RARB: variants seen among roughly 807,000 people sequenced by gnomAD.
The protein encoded by RARB is retinoic acid receptor beta.
RARB carries 17 observed loss-of-function variants against 51.9 expected under a neutral mutation model. The observed-to-expected ratio is 0.33, with a 90% CI of 0.22 to 0.49. The LOEUF (loss-of-function observed/expected upper bound fraction) is 0.49, where lower values mean the gene tolerates loss of function less well. Among genes scored for constraint, RARB ranks in the 20% least tolerant of loss-of-function variants. RARB has a pLI of 0.99. For synonymous variants in RARB, 215 were observed against 195.4 expected (o/e 1.10, Z -0.84); for missense variants, 369 against 550.8 (o/e 0.67, Z 3.30).
chr3:25,283,681 C>T (rs981249717), intron 5 of RARB, among the ~76,000 whole-genome samples: 4 of 152,170 alleles, frequency 2.6e-5, no homozygotes, highest in East Asian at 1.9e-4. Context: ...CAGATCAATA[C>T]GGTCATCTGC....
intron 5 of RARB, among the ~76,000 whole-genome samples, chr3:25,360,242 T>C (rs140593246): frequency 0.049 from 7,496 of 152,286 alleles, 537 homozygotes; most frequent in African/African-American, 0.15. Flanking sequence ...GCCTTCTTTG[T>C]CTCTTTTGAT....
chr3:25,453,763 C>T (rs532647394), intron 1 of RARB, among the ~76,000 whole-genome samples: 28 of 152,226 alleles, frequency 1.8e-4, no homozygotes, highest in Admixed American at 5.9e-4. Flanking sequence ...CTGGTGACCC[C>T]GGCAAACACA....
chr3:25,089,461 A>T (rs1452531213), intron 3 of RARB, among the ~76,000 whole-genome samples: 4 of 145,544 alleles, frequency 2.7e-5, no homozygotes, highest in African/African-American at 1.0e-4. Flanking sequence ...GAGAGTTGAA[A>T]GCATTGATCA....
At position 24,932,040 on chromosome 3, in the gene RARB, C is replaced by T. The variant is rs554218246; in HGVS notation, c.-380+73288C>T. On this transcript the variant is annotated intron_variant, in intron 2 of 11. Transcript: ENST00000383772. ...GAATGCCAAGTTCCATCTTTGGATA[C>T]CTTTGATTTCCATGACAAATAGAAA... Among the ~76,000 whole-genome samples, 11 of 152,094 alleles carry T rather than the reference C, an allele frequency of 7.2e-5. 1 individual carries two copies. The South Asian group carries it at 1.7e-3, about 23-fold the overall frequency.
At chr3:25,319,445 A>G (rs1704508963) in intron 5 of RARB, among the ~76,000 whole-genome samples, 2 of 152,318 alleles carry the variant, frequency 1.3e-5, no homozygotes, top group East Asian at 1.9e-4. Flanking sequence ...TGACAGCTGC[A>G]TTATGGGTAA....
intron 5 of RARB, among the ~76,000 whole-genome samples, chr3:25,253,301 C>A (rs1702776226): frequency 6.6e-6 from 1 of 152,092 alleles, no homozygotes. Context: ...CGTATTTTGC[C>A]TATCTTAAAA....
chr3:25,423,128 G>A (rs1285001691), intron 5 of RARB, among the ~76,000 whole-genome samples: 1 of 152,198 alleles, frequency 6.6e-6, no homozygotes, highest in Non-Finnish European at 1.5e-5. Context: ...AGAACAAAAA[G>A]GTAACATATA....
chr3:25,090,476 T>C (rs1043618858), intron 3 of RARB, among the ~76,000 whole-genome samples: 2 of 152,154 alleles, frequency 1.3e-5, no homozygotes, highest in Non-Finnish European at 2.9e-5. Flanking sequence ...GTCACTTTTG[T>C]CACCATCTCC....
rs182488310 is a variant in RARB, at chr3:25,185,847, G to A, written c.178+11272G>A. ...ATCAAAGAATTCGTATGCCACTATT[G>A]ATGATAATATTTGGTGACTACATTA... On this transcript the variant is annotated intron_variant, in intron 5 of 11. Coordinates refer to the RARB transcript ENST00000383772. 3.9e-5 allele frequency among the ~76,000 whole-genome samples: 6 copies of A among 152,178 alleles called. No individual in the cohort carries two copies. In the East Asian group the frequency reaches 1.2e-3, roughly 29 times the overall value.
At chr3:25,450,043 G>A (rs182915388) in intron 1 of RARB, among the ~76,000 whole-genome samples, 24 of 152,240 alleles carry the variant, frequency 1.6e-4, no homozygotes, top group Admixed American at 1.4e-3. Flanking sequence ...AAGCCACTGC[G>A]CCTGGCCAAG....
intron 2 of RARB, among the ~76,000 whole-genome samples, chr3:24,961,903 T>C (rs959500266): frequency 2.0e-5 from 3 of 150,556 alleles, no homozygotes; most frequent in African/African-American, 7.3e-5. Flanking sequence ...CAAACCTTAG[T>C]GTTCCCTTTG....
intron 7 of RARB, 71 bp from the exon 8 acceptor site, chr3:25,596,349 A>G (rs1384594892): frequency 1.7e-6 from 2 of 1,205,380 alleles, no homozygotes; most frequent in African/African-American, 3.0e-5. Flanking sequence ...ATATATGAAA[A>G]TTGGTCCCTG....
chr3:24,903,861 A>G (rs1350541215), intron 2 of RARB, among the ~76,000 whole-genome samples: 2 of 152,224 alleles, frequency 1.3e-5, no homozygotes, highest in Non-Finnish European at 2.9e-5. Context: ...CTTCATTGCT[A>G]TAACATAGAA....
chr3:25,220,061 C>A (rs981205691), intron 5 of RARB, among the ~76,000 whole-genome samples: 1 of 152,124 alleles, frequency 6.6e-6, no homozygotes, highest in Non-Finnish European at 1.5e-5. Context: ...ATCTATATCA[C>A]CTTACATAAA....
chr3:24,855,120 T>C (rs1702615290), intron 1 of RARB, among the ~76,000 whole-genome samples: 2 of 152,210 alleles, frequency 1.3e-5, no homozygotes, highest in Non-Finnish European at 2.9e-5. Flanking sequence ...AATTTCACAT[T>C]TCAGAAGGAC....
intron 2 of RARB, among the ~76,000 whole-genome samples, chr3:24,975,916 C>T (rs1046959173): frequency 6.6e-6 from 1 of 152,148 alleles, no homozygotes; most frequent in Non-Finnish European, 1.5e-5. Context: ...CTATCCCTGC[C>T]CTAGCCCTCC....
intron 5 of RARB, among the ~76,000 whole-genome samples, chr3:25,191,507 T>C (rs978891078): frequency 6.6e-6 from 1 of 152,092 alleles, no homozygotes; most frequent in Non-Finnish European, 1.5e-5. Context: ...AGTAACTTTG[T>C]TAAATGAAGG....
chr3:25,442,226 C>G (rs531503650), intron 1 of RARB, among the ~76,000 whole-genome samples: 1 of 152,078 alleles, frequency 6.6e-6, no homozygotes, highest in Non-Finnish European at 1.5e-5. Flanking sequence ...ACCTCCGCCT[C>G]CCGTGTTCAA....
At chr3:24,983,519 G>A (rs1401589756) in intron 2 of RARB, among the ~76,000 whole-genome samples, 1 of 151,972 alleles carries the variant, frequency 6.6e-6, no homozygotes, top group Admixed American at 6.6e-5. Context: ...TTGTCCTAAT[G>A]CTCTCCCTCC....
Sources: allele counts gnomAD v4.1 joint callset (sites outside exome capture counted in the v4.1 genomes callset), GRCh38; gene constraint gnomAD v4.1.1; transcripts MANE v1.5; gene names NCBI Gene and HGNC (gene_info 2026-07-23, HGNC 2026-07-21).